The following TSPAN2 variants were observed in gnomAD, a reference collection of about 807,000 sequenced individuals.
TSPAN2 encodes tetraspanin-2.
TSPAN2 carries 24 observed loss-of-function variants against 33.3 expected under a neutral mutation model. The ratio of observed to expected loss-of-function variants is 0.72; its 90% CI spans 0.52 to 1.01. The LOEUF (loss-of-function observed/expected upper bound fraction) is 1.01, where lower values mean the gene tolerates loss of function less well. Ranked by LOEUF, TSPAN2 falls within the 50% of genes least tolerant of loss-of-function variation. The probability of loss-of-function intolerance (pLI) is 0.00; values close to 1 mark genes in which losing one functional copy is unlikely to be tolerated. For missense variants in TSPAN2, 278 were observed against 281.3 expected (o/e 0.99, Z 0.08); for synonymous variants, 114 against 104.5 (o/e 1.09, Z -0.56).
rs1335231643 is a variant in TSPAN2 at position 115,053,658 on chromosome 1, T to G, written c.517-196A>C. 3.3e-5 allele frequency among the ~76,000 whole-genome samples: 5 copies of G among 152,148 alleles called. No individual in the cohort carries two copies. The South Asian group carries it at 6.2e-4, about 19-fold the overall frequency. ...CAAAAATGCAGTTTGGGGAAAAAAA[T>G]AGAAGCCTCTCCTTTGGGTGAGATT... On this transcript the variant is annotated intron_variant, in intron 6 of 7. Coordinates refer to ENST00000369516, the MANE Select transcript of TSPAN2 (RefSeq NM_005725.6).
chr1:115,053,547 TTC>T, intron 6 of TSPAN2, 85 bp from the exon 7 acceptor site: 1 of 1,150,894 alleles, frequency 8.7e-7, no homozygotes, highest in Non-Finnish European at 1.3e-6. Context: ...ATCTCTACAG[TTC>T]ATTCTGTGAG....
At chr1:115,076,109 A>C (rs1220492792) in intron 1 of TSPAN2, among the ~76,000 whole-genome samples, 2 of 152,166 alleles carry the variant, frequency 1.3e-5, no homozygotes, top group African/African-American at 4.8e-5. Flanking sequence ...ATTGGAGCAA[A>C]CTGTAGCCAC....
chr1:115,055,004 A>T (rs1179935964), intron 6 of TSPAN2, among the ~76,000 whole-genome samples: 1 of 152,062 alleles, frequency 6.6e-6, no homozygotes, highest in Non-Finnish European at 1.5e-5. Context: ...ATAAATAAAT[A>T]AATAATAATA....
intron 2 of TSPAN2, 105 bp from the exon 3 acceptor site, chr1:115,062,337 A>T: frequency 1.2e-6 from 1 of 805,048 alleles, no homozygotes; most frequent in Non-Finnish European, 2.0e-6. Flanking sequence ...ATAGTACCAA[A>T]AGGAGGTGCT....
chr1:115,073,036 G>C (rs773031918), intron 1 of TSPAN2, 29 bp from the exon 2 acceptor site: 3 of 1,586,514 alleles, frequency 1.9e-6, no homozygotes, highest in Non-Finnish European at 1.7e-6. Flanking sequence ...TGTGTTTACA[G>C]TGGAAGGGGA....
At position 115,048,941 on chromosome 1, in the gene TSPAN2, C is replaced by T. The variant is rs965680183; in HGVS notation, c.*1549G>A. The T allele has an allele frequency of 5.9e-5, 9 of 152,072 alleles. No homozygotes were observed. The highest frequency in any genetic ancestry group is 1.2e-4 in the Non-Finnish European group (8 of 67,968). The allele number at this position is 152,072 out of a possible 1,614,324, so 9.4% of individuals were successfully genotyped here. A position where few individuals can be genotyped will look rare whatever the true frequency, so the allele number is the denominator to read the frequency against. ...GTTCTCCATGGGAGAGAGACTATTT[C>T]AAGCAGTCATATCTTTTTAGCAAAA... On this transcript the variant is annotated 3_prime_UTR_variant, in exon 8 of 8. Transcript: ENST00000369516.
intron 1 of TSPAN2, among the ~76,000 whole-genome samples, chr1:115,086,271 C>T (rs1377630517): frequency 1.3e-5 from 2 of 152,198 alleles, no homozygotes; most frequent in Non-Finnish European, 1.5e-5. Flanking sequence ...AGAAAACAAG[C>T]CTAGAAGTAA....
At chr1:115,055,226 C>T (rs1647346904) in intron 6 of TSPAN2, among the ~76,000 whole-genome samples, 1 of 152,156 alleles carries the variant, frequency 6.6e-6, no homozygotes, top group Non-Finnish European at 1.5e-5. Context: ...GCCCTCCTTC[C>T]CTTCATTGCC....
chr1:115,086,358 C>T (rs1393287689), intron 1 of TSPAN2, among the ~76,000 whole-genome samples: 6 of 152,318 alleles, frequency 3.9e-5, no homozygotes, highest in East Asian at 1.9e-4. Context: ...CTGATGGCTT[C>T]GACAGTCAGA....
chr1:115,053,710 G>A (rs912284920), intron 6 of TSPAN2, among the ~76,000 whole-genome samples: 11 of 152,162 alleles, frequency 7.2e-5, no homozygotes, highest in Admixed American at 3.9e-4. Context: ...TGGCTTCTTC[G>A]GAGCCCTGAA....
intron 3 of TSPAN2, 43 bp downstream of exon 3, chr1:115,062,092 T>C (rs1211350088): frequency 6.9e-7 from 1 of 1,457,650 alleles, no homozygotes; most frequent in Admixed American, 2.0e-5. Context: ...TGCAGGCCGC[T>C]CCCTCACCCC....
chr1:115,077,837 G>A (rs1485191994), intron 1 of TSPAN2, among the ~76,000 whole-genome samples: 1 of 152,214 alleles, frequency 6.6e-6, no homozygotes, highest in Non-Finnish European at 1.5e-5. Flanking sequence ...GGGTGGTGCT[G>A]AGATGCAAGA....
At chr1:115,083,254 G>A (rs12565179) in intron 1 of TSPAN2, among the ~76,000 whole-genome samples, 17,794 of 152,196 alleles carry the variant, frequency 0.12, 1,168 homozygotes, top group East Asian at 0.21. Flanking sequence ...TAGAGGTTAC[G>A]TTCTCTTTTG....
chr1:115,052,004 GTC>G (rs1186641608), intron 7 of TSPAN2, among the ~76,000 whole-genome samples: 10 of 152,174 alleles, frequency 6.6e-5, no homozygotes, highest in African/African-American at 2.2e-4. Context: ...GACTCCTTCA[GTC>G]TCAGCCTACT....
At chr1:115,057,270 A>G (rs930207999) in intron 6 of TSPAN2, among the ~76,000 whole-genome samples, 4 of 152,296 alleles carry the variant, frequency 2.6e-5, no homozygotes, top group Admixed American at 2.6e-4. Context: ...AAAACCCAGT[A>G]ATGGATTCTC....
chr1:115,079,181 C>A (rs1648531360), intron 1 of TSPAN2, among the ~76,000 whole-genome samples: 1 of 143,302 alleles, frequency 7.0e-6, no homozygotes, highest in African/African-American at 2.7e-5. Flanking sequence ...GCATGCTGCA[C>A]TCAAATGAAA....
chr1:115,083,290 C>T (rs755416460), intron 1 of TSPAN2, among the ~76,000 whole-genome samples: 2 of 152,214 alleles, frequency 1.3e-5, no homozygotes, highest in African/African-American at 2.4e-5. Flanking sequence ...GACCCAAAGA[C>T]ACTTCATGGC....
intron 5 of TSPAN2, 120 bp downstream of exon 5, chr1:115,058,763 G>C (rs529596576): frequency 4.7e-6 from 4 of 856,670 alleles, no homozygotes; most frequent in African/African-American, 3.4e-5. Context: ...GGCTAAAATA[G>C]GTGGTGCTAC....
intron 3 of TSPAN2, among the ~76,000 whole-genome samples, chr1:115,061,747 C>CTGCAGCCTCCCAACTCCTG (rs1647732944): frequency 6.6e-6 from 1 of 152,130 alleles, no homozygotes; most frequent in Non-Finnish European, 1.5e-5. Flanking sequence ...TCATGGCTCA[C>CTGCAGCCTCCCAACTCCTG]TGCAGCCTCC....
Sources: allele counts gnomAD v4.1 joint callset (sites outside exome capture counted in the v4.1 genomes callset), GRCh38; gene constraint gnomAD v4.1.1; transcripts MANE v1.5; gene names NCBI Gene and HGNC (gene_info 2026-07-23, HGNC 2026-07-21).